The following TMEM39A variants were observed in gnomAD, a reference collection of about 807,000 sequenced individuals.
The protein encoded by TMEM39A is suppressor of SQST-1 aggregates in rpl-43 mutants.
In TMEM39A, 19 loss-of-function variants were observed where a neutral mutation model predicts 51.9. The observed-to-expected ratio is 0.37, with a 90% CI of 0.26 to 0.54. The LOEUF is 0.54. Ranked by LOEUF, TMEM39A falls within the 20% of genes least tolerant of loss-of-function variation. The pLI is 0.88. For missense variants in TMEM39A, 433 were observed against 590.5 expected, an observed-to-expected ratio of 0.73 and a Z score of 2.76; for synonymous variants, 197 against 220.2, an observed-to-expected ratio of 0.89 and a Z score of 0.93.
chr3:119,440,124 C>G (rs1314794839), intron 5 of TMEM39A, among the ~76,000 whole-genome samples: 1 of 152,082 alleles, frequency 6.6e-6, no homozygotes, highest in African/African-American at 2.4e-5. Flanking sequence ...ATGGCTAGAG[C>G]AGGTCATCAG....
At chr3:119,451,315 G>A (rs2081195477) in intron 4 of TMEM39A, 1 of 1,286,378 alleles carries the variant, frequency 7.8e-7, no homozygotes, top group African/African-American at 1.5e-5. Context: ...TACACACACA[G>A]ACCTTCCATG....
chr3:119,451,860 A>G (rs1243574879), intron 4 of TMEM39A, among the ~76,000 whole-genome samples: 1 of 151,208 alleles, frequency 6.6e-6, no homozygotes, highest in Non-Finnish European at 1.5e-5. Context: ...AAAGGAAAGA[A>G]AAATGATACC....
chr3:119,435,414 A>G, intron 7 of TMEM39A: 1 of 982,798 alleles, frequency 1.0e-6, no homozygotes, highest in Non-Finnish European at 1.2e-6. Flanking sequence ...ATACAGTAGA[A>G]CACAGCGATA....
chr3:119,462,430 T>C (rs2081350456), intron 1 of TMEM39A, among the ~76,000 whole-genome samples: 1 of 152,130 alleles, frequency 6.6e-6, no homozygotes, highest in Non-Finnish European at 1.5e-5. Context: ...CAAATAGAAG[T>C]TTACAAGAAA....
At chr3:119,439,007 A>G (rs907938980) in intron 5 of TMEM39A, among the ~76,000 whole-genome samples, 3 of 152,208 alleles carry the variant, frequency 2.0e-5, no homozygotes, top group African/African-American at 7.2e-5. Flanking sequence ...GGTACCTCAG[A>G]TAGTGGCTGT....
At chr3:119,449,442 T>G (rs569805815) in intron 4 of TMEM39A, among the ~76,000 whole-genome samples, 12 of 152,030 alleles carry the variant, frequency 7.9e-5, no homozygotes, top group East Asian at 7.8e-4. Flanking sequence ...GGCATGGTGG[T>G]GGGCGCCTGT....
chr3:119,457,095 C>T (rs1350372367), intron 3 of TMEM39A, among the ~76,000 whole-genome samples: 1 of 152,050 alleles, frequency 6.6e-6, no homozygotes, highest in East Asian at 1.9e-4. Flanking sequence ...CTCAGCCTCC[C>T]AAGTAGCTGG....
At chr3:119,454,967 T>C (rs939101805) in intron 3 of TMEM39A, among the ~76,000 whole-genome samples, 13 of 152,242 alleles carry the variant, frequency 8.5e-5, no homozygotes, top group African/African-American at 2.7e-4. Flanking sequence ...CTAGCTTTTA[T>C]GTTTCTTAGG....
intron 5 of TMEM39A, among the ~76,000 whole-genome samples, chr3:119,443,782 TGGCACAC>T (rs2081087828): frequency 6.6e-6 from 1 of 151,844 alleles, no homozygotes; most frequent in Non-Finnish European, 1.5e-5. Context: ...CCAGGCATGG[TGGCACAC>T]GGCTACAGTC....
Position 119,436,940 on chromosome 3 carries a change from G to A in TMEM39A, c.963C>T (p.His321=). ...QYYDMRWSCE[H]LIMVWINAFV... Reference sequence around the variant, plus strand: ...AAGCATTGATCCACACCATAATGAGGTGCTCACATGACCAGCGCATGTCAT... The same window carrying A: ...AAGCATTGATCCACACCATAATGAGATGCTCACATGACCAGCGCATGTCAT... Residue 321 remains histidine (H), a synonymous_variant, in exon 7 of 9, where the codon CAC becomes CAT. Coordinates refer to ENST00000319172, the MANE Select transcript of TMEM39A (RefSeq NM_018266.3). 6.2e-7 allele frequency: 1 copy of A among 1,613,922 alleles called. No individual in the cohort carries two copies. Among genetic ancestry groups the A allele is most frequent in the Non-Finnish European group, 8.5e-7 (1 of 1,179,860 alleles).
Position 119,458,153 on chromosome 3 carries a change from C to A in TMEM39A, c.201G>T (p.Leu67Phe), listed in dbSNP as rs148969274. 6.2e-7 allele frequency: 1 copy of A among 1,614,168 alleles called. No individual in the cohort carries two copies. The highest frequency in any genetic ancestry group is 8.5e-7 in the Non-Finnish European group (1 of 1,180,030). ...CAAAGAGTAGGCTCCCATCCACAGG[C>A]AAGTCAGGAATTTGGCAATGACGAA... ...GPVRHCQIPD[L>F]PVDGSLLFEF... The change falls in exon 3 of 9, where the codon TTG becomes TTT. Residue 67 changes from leucine (L) to phenylalanine (F), a missense_variant. Transcript: ENST00000319172.
intron 5 of TMEM39A, chr3:119,446,680 G>A (rs779037304): frequency 1.7e-5 from 3 of 177,348 alleles, no homozygotes; most frequent in Non-Finnish European, 3.5e-5. Context: ...ACTGGTTTTC[G>A]AACCAGTGCA....
At position 119,462,633 on chromosome 3, in the gene TMEM39A, A is replaced by AGGGGG. The variant is rs1200172060; in HGVS notation, c.-74-490_-74-486dup. On this transcript the variant is annotated intron_variant, in intron 1 of 8. Coordinates refer to ENST00000319172, the MANE Select transcript of TMEM39A (RefSeq NM_018266.3). The stretch of plus-strand genomic sequence containing the variant: ...GTGTTCTTCTGAGTGTGTTTCTTCA[A>AGGGGG]GGGGGGGGGGCGGGGGGGGGGAGTG... Among the ~76,000 whole-genome samples the AGGGGG allele has an allele frequency of 8.8e-3, 20 of 2,262 alleles. 1 individual carries two copies. The highest frequency in any genetic ancestry group is 0.038 in the East Asian group (1 of 26). 1.5% of individuals were successfully genotyped at this position (2,262 alleles called of 152,430 possible).
In TMEM39A at chr3:119,437,962, G is replaced by A; in HGVS notation, c.717C>T (p.Asp239=). 1 of 1,614,164 alleles carries A rather than the reference G, an allele frequency of 6.2e-7. No individual in the cohort carries two copies. Among genetic ancestry groups the A allele is most frequent in the Non-Finnish European group, 8.5e-7 (1 of 1,180,016 alleles). The change falls in exon 6 of 9, where the codon GAC becomes GAT. Residue 239 remains aspartate, a synonymous_variant. Coordinates refer to ENST00000319172, the MANE Select transcript of TMEM39A (RefSeq NM_018266.3). ...GCGACTCCAGCAACAAGGAGAGAAA[G>A]TCTTTGGATTTGGCCAAGCCTCCCA... The part of the protein sequence containing the change: ...STVGGLAKSK[D]FLSLLLESLK...
Position 119,463,580 on chromosome 3 carries a change from C to T in TMEM39A, c.-319G>A, listed in dbSNP as rs2081368447. Reference sequence around the variant, plus strand: ...AAGCTAGAGCCAGAGCCTGATACTTCAGCACCCATCCCTAGCCTCCATTAC... The same window carrying T: ...AAGCTAGAGCCAGAGCCTGATACTTTAGCACCCATCCCTAGCCTCCATTAC... On this transcript the variant is annotated 5_prime_UTR_variant, in exon 1 of 9. The change abolishes the stop of an existing upstream ORF in the 5' untranslated region. Coordinates refer to ENST00000319172, the MANE Select transcript of TMEM39A (RefSeq NM_018266.3). 2.5e-6 allele frequency: 1 copy of T among 398,738 alleles called. No homozygotes were observed. Among genetic ancestry groups the T allele is most frequent in the African/African-American group, 2.1e-5 (1 of 48,660 alleles). 24.7% of individuals were successfully genotyped at this position (398,738 alleles called of 1,614,324 possible).
At chr3:119,450,166 T>C (rs947022922) in intron 4 of TMEM39A, among the ~76,000 whole-genome samples, 5 of 152,210 alleles carry the variant, frequency 3.3e-5, no homozygotes, top group Admixed American at 2.6e-4. Flanking sequence ...ACACAAAACA[T>C]GTAACAGTGC....
intron 2 of TMEM39A, among the ~76,000 whole-genome samples, chr3:119,458,893 C>A (rs1220241040): frequency 1.3e-5 from 2 of 152,050 alleles, no homozygotes; most frequent in African/African-American, 4.8e-5. Flanking sequence ...GAAACTCCAT[C>A]TCAAAAACAA....
chr3:119,434,333 A>G (rs1188356321), intron 8 of TMEM39A, among the ~76,000 whole-genome samples: 1 of 152,192 alleles, frequency 6.6e-6, no homozygotes, highest in African/African-American at 2.4e-5. Flanking sequence ...TAAAGAAACA[A>G]TATATATGAC....
intron 2 of TMEM39A, among the ~76,000 whole-genome samples, chr3:119,459,037 G>T (rs1156963411): frequency 6.6e-6 from 1 of 152,202 alleles, no homozygotes; most frequent in Non-Finnish European, 1.5e-5. Context: ...GATGCCCAGG[G>T]TTTTTATTGG....
Sources: allele counts gnomAD v4.1 joint callset (sites outside exome capture counted in the v4.1 genomes callset), GRCh38; gene constraint gnomAD v4.1.1; transcripts MANE v1.5; gene names NCBI Gene and HGNC (gene_info 2026-07-23, HGNC 2026-07-21).